Variants in NBAS observed in about 807,000 individuals in gnomAD.
NBAS encodes the protein NBAS subunit of NRZ tethering complex.
NBAS carries 219 observed loss-of-function variants against 302.5 expected under a neutral mutation model. That is an observed-to-expected ratio of 0.72 (90% CI 0.65 to 0.81). The LOEUF is 0.81. Ranked by LOEUF, NBAS falls within the 30% of genes least tolerant of loss-of-function variation. NBAS has a pLI of 0.00. For missense variants in NBAS, 2,932 were observed against 2,841.6 expected, an observed-to-expected ratio of 1.03 and a Z score of -0.72; for synonymous variants, 1,118 against 1,021.6, an observed-to-expected ratio of 1.09 and a Z score of -1.80.
the NBAS span, among the ~76,000 whole-genome samples, chr2:15,031,823 G>A: frequency 6.6e-6 from 1 of 152,230 alleles, no homozygotes; most frequent in African/African-American, 2.4e-5. Context: ...ATGATGTGGG[G>A]TCAGATGGGG....
chr2:14,916,417 G>A, the NBAS span, among the ~76,000 whole-genome samples: 1 of 152,164 alleles, frequency 6.6e-6, no homozygotes, highest in Non-Finnish European at 1.5e-5. Flanking sequence ...GTGTACTGCA[G>A]CTGTGCAGTA....
At position 15,534,113 on chromosome 2, in the gene NBAS, C is replaced by G. The variant is rs1464549158; in HGVS notation, c.746+430G>C. 2.0e-5 allele frequency among the ~76,000 whole-genome samples: 3 copies of G among 152,166 alleles called. No homozygotes were observed. The East Asian group carries it at 5.8e-4, about 29-fold the overall frequency. ...AGTGGCATATGTGAATGATGGGACA[C>G]AGTTGCTGGAAGGAACTGTGCAACA... is the stretch of plus-strand genomic sequence containing the variant. On this transcript the variant is annotated intron_variant, in intron 9 of 51. Coordinates refer to ENST00000281513, the MANE Select transcript of NBAS (RefSeq NM_015909.4).
At chr2:15,364,228 T>C (rs1471820934) in intron 32 of NBAS, among the ~76,000 whole-genome samples, 1 of 152,110 alleles carries the variant, frequency 6.6e-6, no homozygotes, top group African/African-American at 2.4e-5. Context: ...ATATCAAAGC[T>C]AGATTTGAAA....
chr2:15,087,630 A>C, the NBAS span, among the ~76,000 whole-genome samples: 1 of 152,278 alleles, frequency 6.6e-6, no homozygotes, highest in African/African-American at 2.4e-5. Flanking sequence ...TGAAAATGAG[A>C]TCCTTTTTAG....
the NBAS span, among the ~76,000 whole-genome samples, chr2:14,817,728 C>A: frequency 6.6e-6 from 1 of 152,044 alleles, no homozygotes; most frequent in Non-Finnish European, 1.5e-5. Flanking sequence ...AACTATTATT[C>A]TCTGTAAAAT....
chr2:15,410,174 T>C (rs924719566), intron 25 of NBAS, among the ~76,000 whole-genome samples: 8 of 152,358 alleles, frequency 5.3e-5, no homozygotes, highest in African/African-American at 1.2e-4. Context: ...TGGCATTATA[T>C]AGAAGTCTTA....
At chr2:15,184,653 A>G (rs1664991007) in intron 50 of NBAS, among the ~76,000 whole-genome samples, 1 of 152,210 alleles carries the variant, frequency 6.6e-6, no homozygotes, top group African/African-American at 2.4e-5. Flanking sequence ...AGCTTCACTC[A>G]TCGCCAGCCA....
At chr2:15,160,283 A>T in the NBAS span, among the ~76,000 whole-genome samples, 1 of 152,112 alleles carries the variant, frequency 6.6e-6, no homozygotes, top group East Asian at 1.9e-4. Flanking sequence ...ACAGTAGTAG[A>T]CAGGGCAGCT....
intron 48 of NBAS, among the ~76,000 whole-genome samples, chr2:15,192,684 G>A (rs556815919): frequency 7.2e-5 from 11 of 152,088 alleles, no homozygotes; most frequent in Non-Finnish European, 1.0e-4. Flanking sequence ...TCTTCCTGCA[G>A]GATAATCTCT....
At chr2:15,478,016 A>C (rs1252725124) in intron 13 of NBAS, among the ~76,000 whole-genome samples, 1 of 38,518 alleles carries the variant, frequency 2.6e-5, no homozygotes, top group Admixed American at 2.6e-4. Context: ...GTACCATCTC[A>C]ATGCTGGCTC....
intron 21 of NBAS, among the ~76,000 whole-genome samples, chr2:15,439,208 C>T (rs952865113): frequency 1.3e-5 from 2 of 150,324 alleles, no homozygotes; most frequent in African/African-American, 4.9e-5. Flanking sequence ...GAGGCTGAGG[C>T]AGGAGAATGG....
At chr2:15,239,630 C>T (rs1667770320) in intron 44 of NBAS, among the ~76,000 whole-genome samples, 1 of 151,610 alleles carries the variant, frequency 6.6e-6, no homozygotes, top group Non-Finnish European at 1.5e-5. Context: ...TCAGGAAATT[C>T]AACCTGTACA....
chr2:15,473,853 A>G (rs1302742287), intron 15 of NBAS, among the ~76,000 whole-genome samples: 2 of 152,230 alleles, frequency 1.3e-5, no homozygotes, highest in Non-Finnish European at 2.9e-5. Flanking sequence ...AATCAGTCTA[A>G]GTGAATTCAA....
the NBAS span, among the ~76,000 whole-genome samples, chr2:15,002,832 C>T: frequency 6.6e-6 from 1 of 152,184 alleles, no homozygotes; most frequent in Non-Finnish European, 1.5e-5. Flanking sequence ...GCTCCAAGTG[C>T]GGGGCCCGCC....
chr2:15,314,254 G>A (rs1671407650), intron 38 of NBAS, among the ~76,000 whole-genome samples: 1 of 152,160 alleles, frequency 6.6e-6, no homozygotes, highest in African/African-American at 2.4e-5. Flanking sequence ...TACTCAGGAG[G>A]CTGACGCATG....
rs183739577 is a variant in NBAS, at chr2:15,534,674, C to T, written c.648-33G>A. ...TAAGAGGGTATGAAAGAAGTAAATA[C>T]CATTAAACCACAATGAATATCACTA... On this transcript the variant is annotated intron_variant, in intron 8 of 51. Transcript: ENST00000281513. The T allele has an allele frequency of 3.7e-4, 535 of 1,434,452 alleles. 2 individuals are homozygous for T. The highest frequency in any genetic ancestry group is 4.9e-4 in the Non-Finnish European group (497 of 1,016,038). 88.9% of individuals were successfully genotyped at this position (1,434,452 alleles called of 1,614,324 possible).
the NBAS span, among the ~76,000 whole-genome samples, chr2:15,156,129 A>G: frequency 6.6e-6 from 1 of 152,028 alleles, no homozygotes; most frequent in Admixed American, 6.6e-5. Context: ...GTTCCTTTGA[A>G]CTCAGCTAGC....
chr2:15,259,087 A>G (rs1380160135), intron 44 of NBAS, among the ~76,000 whole-genome samples: 2 of 152,220 alleles, frequency 1.3e-5, no homozygotes, highest in African/African-American at 4.8e-5. Context: ...CGATACATCA[A>G]TGCTGCTCTG....
the NBAS span, among the ~76,000 whole-genome samples, chr2:15,106,451 GTCTC>G: frequency 0.52 from 77,392 of 147,844 alleles, 21,768 homozygotes; most frequent in Admixed American, 0.67. Context: ...CTCTGTCTCT[GTCTC>G]TCTCTCTCTC....
Sources: allele counts gnomAD v4.1 joint callset (sites outside exome capture counted in the v4.1 genomes callset), GRCh38; gene constraint gnomAD v4.1.1; transcripts MANE v1.5; gene names NCBI Gene and HGNC (gene_info 2026-07-23, HGNC 2026-07-21).